Variants in YJU2 observed in about 807,000 individuals in gnomAD.
YJU2 encodes splicing factor YJU2.
YJU2 carries 28 observed loss-of-function variants against 39.6 expected under a neutral mutation model. The observed-to-expected ratio is 0.71, with a 90% CI of 0.52 to 0.97. YJU2 has a LOEUF of 0.97. Among genes scored for constraint, YJU2 ranks in the 50% least tolerant of loss-of-function variants. The probability of loss-of-function intolerance (pLI) is 0.00; values close to 1 mark genes in which losing one functional copy is unlikely to be tolerated. For missense variants in YJU2, 328 were observed against 430.4 expected (o/e 0.76, Z 2.11); for synonymous variants, 184 against 182.4 (o/e 1.01, Z -0.07).
rs1970938503 is a variant in YJU2, at chr19:4,247,633, GTGTGTGTGTGTGTGTGTGTGTGTGTGTGT to G, written c.24+464_24+492del. 2.6e-3 allele frequency among the ~76,000 whole-genome samples: 167 copies of G among 64,322 alleles called. 8 individuals carry two copies. The highest frequency in any genetic ancestry group is 7.1e-3 in the Admixed American group (46 of 6,448). The allele number at this position is 64,322 out of a possible 152,430, so 42.2% of individuals were successfully genotyped here. Reference sequence around the variant, plus strand: ...TGTGTGTGTGTGTGTGTGTGTGTGTGTGTGTGTGTGTGTGTGTGTGTGTGTGTGTGTGTGTGTGTGTGTGTGTGTGTGTG... The same window carrying G: ...TGTGTGTGTGTGTGTGTGTGTGTGTGGTGTGTGTGTGTGTGTGTGTGTGTG... On this transcript the variant is annotated intron_variant, in intron 1 of 7. Transcript: ENST00000262962.
At chr19:4,263,159 G>A (rs966411990) in intron 6 of YJU2, among the ~76,000 whole-genome samples, 9 of 151,930 alleles carry the variant, frequency 5.9e-5, no homozygotes, top group South Asian at 2.1e-4. Flanking sequence ...TTAAGCTGCC[G>A]AAAGAAGAGA....
chr19:4,259,435 A>G (rs971910581), intron 5 of YJU2, among the ~76,000 whole-genome samples: 1 of 151,960 alleles, frequency 6.6e-6, no homozygotes, highest in African/African-American at 2.4e-5. Flanking sequence ...GCTGGAGTGC[A>G]GTAGTGCAGT....
chr19:4,265,459 G>A (rs1341015746), intron 6 of YJU2, among the ~76,000 whole-genome samples: 4 of 150,636 alleles, frequency 2.7e-5, no homozygotes, highest in African/African-American at 7.3e-5. Flanking sequence ...TTTTAGAGGC[G>A]AGTCTGTATG....
At chr19:4,247,571 GTGGGGTGGCGCGTGTGTGTGTGTGTGTGT>G (rs1970931040) in intron 1 of YJU2, among the ~76,000 whole-genome samples, 2 of 89,470 alleles carry the variant, frequency 2.2e-5, no homozygotes, top group Admixed American at 1.1e-4. Flanking sequence ...GTGGGGTGGG[GTGGGGTGGCGCGTGTGTGTGTGTGTGTGT>G]GTGTGTGTGT....
intron 4 of YJU2, among the ~76,000 whole-genome samples, chr19:4,255,705 G>C (rs1220566388): frequency 7.0e-6 from 1 of 143,118 alleles, no homozygotes; most frequent in Non-Finnish European, 1.5e-5. Context: ...TCCAGCCTGG[G>C]TGACAGAGCA....
At chr19:4,256,181 A>ATATAT (rs1555725230) in intron 4 of YJU2, among the ~76,000 whole-genome samples, 145 of 125,858 alleles carry the variant, frequency 1.2e-3, no homozygotes, top group South Asian at 4.0e-3. Context: ...AAAAAAAAAA[A>ATATAT]ATATATATAT....
At chr19:4,254,559 G>A in intron 4 of YJU2, 70 bp downstream of exon 4, 1 of 1,453,006 alleles carries the variant, frequency 6.9e-7, no homozygotes, top group Non-Finnish European at 9.1e-7. Flanking sequence ...CAATGGTTGT[G>A]CCCTTCCTGC....
chr19:4,262,163 A>C, intron 6 of YJU2, 49 bp downstream of exon 6: 1 of 1,544,932 alleles, frequency 6.5e-7, no homozygotes, highest in Non-Finnish European at 8.7e-7. Context: ...ACTAGGGACA[A>C]CTGAAGCCAG....
intron 4 of YJU2, among the ~76,000 whole-genome samples, chr19:4,257,010 G>A (rs1367725057): frequency 6.6e-6 from 1 of 152,150 alleles, no homozygotes; most frequent in African/African-American, 2.4e-5. Context: ...GAGCATCAGA[G>A]AGTTTGTGGA....
intron 1 of YJU2, among the ~76,000 whole-genome samples, chr19:4,247,570 G>C (rs138439507): frequency 0.11 from 10,605 of 92,784 alleles, 2,162 homozygotes; most frequent in African/African-American, 0.36. Context: ...GGTGGGGTGG[G>C]GTGGGGTGGC....
At chr19:4,260,622 A>C (rs140036714) in intron 5 of YJU2, among the ~76,000 whole-genome samples, 29 of 152,202 alleles carry the variant, frequency 1.9e-4, no homozygotes, top group African/African-American at 6.7e-4. Context: ...CTGTAGTCCT[A>C]GCTAACATTT....
At chr19:4,262,989 G>A (rs764878945) in intron 6 of YJU2, among the ~76,000 whole-genome samples, 9 of 150,504 alleles carry the variant, frequency 6.0e-5, no homozygotes, top group East Asian at 3.9e-4. Flanking sequence ...CAGGAGAATC[G>A]CTTGAACCCG....
In YJU2 at chr19:4,247,390, T is replaced by G. The variant is rs1030498387; in HGVS notation, c.24+220T>G. 1.2e-5 allele frequency: 6 copies of G among 511,854 alleles called. No individual in the cohort carries two copies. The African/African-American group carries it at 1.2e-4, about 10-fold the overall frequency. The allele number at this position is 511,854 out of a possible 1,614,324, so 31.7% of individuals were successfully genotyped here. A position where few individuals can be genotyped will look rare whatever the true frequency, so the allele number is the denominator to read the frequency against. On this transcript the variant is annotated intron_variant, in intron 1 of 7. Coordinates refer to ENST00000262962, the MANE Select transcript of YJU2 (RefSeq NM_018074.6). ...CCCTTCTGGGCTGGGGTGTAGTTAGTCACCTGCGGGGCGTGGCTTGGGCTT... is the reference window on the plus strand; with the variant it reads ...CCCTTCTGGGCTGGGGTGTAGTTAGGCACCTGCGGGGCGTGGCTTGGGCTT...
intron 3 of YJU2, 129 bp downstream of exon 3, chr19:4,251,300 A>C (rs1970974828): frequency 1.8e-5 from 17 of 944,128 alleles, no homozygotes; most frequent in Non-Finnish European, 2.7e-5. Context: ...CCCAAGAAAC[A>C]GACAACAGTT....
intron 2 of YJU2, among the ~76,000 whole-genome samples, chr19:4,249,774 T>C (rs1970960959): frequency 6.6e-6 from 1 of 151,770 alleles, no homozygotes; most frequent in Non-Finnish European, 1.5e-5. Flanking sequence ...TGGCGTGATC[T>C]CAGCTCACTG....
intron 1 of YJU2, among the ~76,000 whole-genome samples, chr19:4,247,668 T>G (rs960097392): frequency 2.2e-5 from 2 of 92,204 alleles, no homozygotes; most frequent in Non-Finnish European, 4.1e-5. Context: ...TGTGTGTGTG[T>G]GTGTGTGTGT....
chr19:4,250,649 G>A (rs1970968487), intron 2 of YJU2, among the ~76,000 whole-genome samples: 1 of 152,056 alleles, frequency 6.6e-6, no homozygotes, highest in Admixed American at 6.6e-5. Flanking sequence ...GCTGGGCTGG[G>A]GAGCAGAGCC....
chr19:4,247,439 GT>G (rs11386562), intron 1 of YJU2: 1 of 358,876 alleles, frequency 2.8e-6, no homozygotes, highest in Non-Finnish European at 5.0e-6. Context: ...ACCAGATAGG[GT>G]TTTTTTTCTG....
intron 6 of YJU2, among the ~76,000 whole-genome samples, chr19:4,266,976 T>A (rs1240523888): frequency 6.6e-6 from 1 of 152,144 alleles, no homozygotes; most frequent in East Asian, 1.9e-4. Context: ...CCAAAAAAAT[T>A]TTTTTAATAA....
Sources: allele counts gnomAD v4.1 joint callset (sites outside exome capture counted in the v4.1 genomes callset), GRCh38; gene constraint gnomAD v4.1.1; transcripts MANE v1.5; gene names NCBI Gene and HGNC (gene_info 2026-07-23, HGNC 2026-07-21).